VPS13D: variants seen among roughly 807,000 people sequenced by gnomAD.
VPS13D encodes the protein vacuolar protein sorting 13 homolog D.
A neutral mutation model predicts 461.9 loss-of-function variants in VPS13D; 187 were observed. The observed-to-expected ratio is 0.40, with a 90% CI of 0.36 to 0.46. The LOEUF is 0.46. Among genes scored for constraint, VPS13D ranks in the 20% least tolerant of loss-of-function variants. The pLI, the probability that VPS13D is intolerant of heterozygous loss-of-function variation, is 0.60. For synonymous variants in VPS13D, 1,951 were observed against 1,986.3 expected, an observed-to-expected ratio of 0.98 and a Z score of 0.47; for missense variants, 4,711 against 5,364.9, an observed-to-expected ratio of 0.88 and a Z score of 3.81.
At chr1:12,440,045 T>G (rs1405420337) in intron 65 of VPS13D, among the ~76,000 whole-genome samples, 1 of 152,268 alleles carries the variant, frequency 6.6e-6, no homozygotes, top group Non-Finnish European at 1.5e-5. Context: ...AAGGGAATAC[T>G]GCATTAGAAT....
intron 68 of VPS13D, 26 bp from the exon 69 acceptor site, chr1:12,506,827 T>C: frequency 6.2e-7 from 1 of 1,608,510 alleles, no homozygotes; most frequent in Non-Finnish European, 8.5e-7. Context: ...CAGGTGTCAC[T>C]CCTGTGTTCC....
At chr1:12,478,784 C>G (rs1293629135) in intron 67 of VPS13D, 1 of 455,960 alleles carries the variant, frequency 2.2e-6, no homozygotes, top group African/African-American at 2.0e-5. Context: ...CAGAGTAGCT[C>G]TCTGTTTGTG....
At chr1:12,411,496 G>A (rs1644727781) in intron 63 of VPS13D, among the ~76,000 whole-genome samples, 3 of 148,372 alleles carry the variant, frequency 2.0e-5, no homozygotes, top group Admixed American at 2.0e-4. Flanking sequence ...AAGGAAGGAG[G>A]GAGGGATAGA....
At chr1:12,331,438 T>A (rs759462532) in intron 37 of VPS13D, among the ~76,000 whole-genome samples, 1 of 152,116 alleles carries the variant, frequency 6.6e-6, no homozygotes, top group Non-Finnish European at 1.5e-5. Flanking sequence ...TCAAAATGTT[T>A]CACTTTAGAA....
Position 12,485,458 on chromosome 1 carries a change from C to T in VPS13D, c.12663-12042C>T, listed in dbSNP as rs186130753. Among the ~76,000 whole-genome samples, 22 of 152,346 alleles carry T rather than the reference C, an allele frequency of 1.4e-4. No homozygotes were observed. In the East Asian group the frequency reaches 4.2e-3, roughly 29 times the overall value. On this transcript the variant is annotated intron_variant, in intron 67 of 69. Transcript: ENST00000620676. ...TGCCGTGTCATATGGCACAAGAGCC[C>T]TTCTGGCCCGCATCACCCTGTGTAC...
chr1:12,354,523 G>GTA (rs1643869461), intron 47 of VPS13D, among the ~76,000 whole-genome samples: 1 of 151,908 alleles, frequency 6.6e-6, no homozygotes, highest in Non-Finnish European at 1.5e-5. Context: ...AACAAAGTAA[G>GTA]ACCCTGTCTC....
At chr1:12,261,376 G>T (rs966831096) in intron 12 of VPS13D, among the ~76,000 whole-genome samples, 2 of 152,186 alleles carry the variant, frequency 1.3e-5, no homozygotes, top group African/African-American at 2.4e-5. Flanking sequence ...GCGTGTAAAA[G>T]AACTAAATTT....
chr1:12,488,534 AAT>A (rs147459130), intron 67 of VPS13D, among the ~76,000 whole-genome samples: 25,356 of 152,054 alleles, frequency 0.17, 3,316 homozygotes, highest in African/African-American at 0.35. Context: ...GAAGGTAGAT[AAT>A]ATATAAACAT....
intron 2 of VPS13D, among the ~76,000 whole-genome samples, chr1:12,241,100 C>G (rs543968219): frequency 3.3e-5 from 5 of 152,066 alleles, no homozygotes; most frequent in Admixed American, 3.3e-4. Flanking sequence ...GCTACCATGC[C>G]TGGCTAATTT....
At chr1:12,258,390 T>C (rs1348447795) in intron 10 of VPS13D, among the ~76,000 whole-genome samples, 1 of 152,150 alleles carries the variant, frequency 6.6e-6, no homozygotes, top group Admixed American at 6.6e-5. Context: ...GACTGTTTCA[T>C]ACAGTCACCC....
Position 12,283,022 on chromosome 1 carries a change from A to G in VPS13D, c.4920A>G (p.Gln1640=). 6.2e-7 allele frequency: 1 copy of G among 1,613,844 alleles called. No homozygotes were observed. The highest frequency in any genetic ancestry group is 1.6e-4 in the Middle Eastern group (1 of 6,062). ...GTGGAGATCTGACTTTGGGGGCCCA[A>G]GGTCTTGTGAGCTTAAAGTTTCAGG... The part of the protein sequence containing the change: ...QLSGDLTLGA[Q]GLVSLKFQDF... Residue 1640 remains glutamine (Q), a synonymous_variant, in exon 21 of 70, where the codon CAA becomes CAG. Coordinates refer to ENST00000620676, the MANE Select transcript of VPS13D (RefSeq NM_015378.4).
At chr1:12,297,431 A>G (rs1642307888) in intron 24 of VPS13D, among the ~76,000 whole-genome samples, 1 of 152,194 alleles carries the variant, frequency 6.6e-6, no homozygotes, top group East Asian at 1.9e-4. Flanking sequence ...AGCAACTGGT[A>G]TAGTAAAGTA....
chr1:12,349,600 G>A (rs1174485402), intron 46 of VPS13D, among the ~76,000 whole-genome samples: 1 of 152,148 alleles, frequency 6.6e-6, no homozygotes, highest in Non-Finnish European at 1.5e-5. Flanking sequence ...CAACACACAT[G>A]CTATTTACAC....
At chr1:12,327,954 C>A in intron 36 of VPS13D, 100 bp downstream of exon 36, 1 of 1,163,432 alleles carries the variant, frequency 8.6e-7, no homozygotes. Flanking sequence ...TCTATTTAGT[C>A]ATTTGGGTGA....
At chr1:12,452,824 GT>G (rs1645279505) in intron 65 of VPS13D, among the ~76,000 whole-genome samples, 1 of 152,192 alleles carries the variant, frequency 6.6e-6, no homozygotes, top group Non-Finnish European at 1.5e-5. Flanking sequence ...AGTTTTCTGG[GT>G]TCTCAAAGCT....
rs1643281214 is a variant in VPS13D, at chr1:12,329,717, T to C, written c.8198-112T>C. 17 of 704,450 alleles carry C rather than the reference T, an allele frequency of 2.4e-5. No individual in the cohort carries two copies. In the South Asian group the frequency reaches 3.0e-4, roughly 12 times the overall value. The allele number at this position is 704,450 out of a possible 1,614,324, so 43.6% of individuals were successfully genotyped here. ...CATGATGAACAAAGTATCAGAATGTTGTGTGCTCTCCTTTGCGAGTATTAG... is the reference window on the plus strand; with the variant it reads ...CATGATGAACAAAGTATCAGAATGTCGTGTGCTCTCCTTTGCGAGTATTAG... On this transcript the variant is annotated intron_variant, in intron 36 of 69. Coordinates refer to ENST00000620676, the MANE Select transcript of VPS13D (RefSeq NM_015378.4).
chr1:12,397,772 G>T (rs911458487), intron 60 of VPS13D, among the ~76,000 whole-genome samples: 4 of 152,194 alleles, frequency 2.6e-5, no homozygotes, highest in Non-Finnish European at 5.9e-5. Flanking sequence ...GGCTCAGGAA[G>T]ATCTTCCTGA....
intron 60 of VPS13D, among the ~76,000 whole-genome samples, chr1:12,396,029 A>ATATATATATATATATAT (rs1553187933): frequency 8.3e-6 from 1 of 119,872 alleles, no homozygotes; most frequent in Non-Finnish European, 1.6e-5. Context: ...ATATATATAT[A>ATATATATATATATATAT]GTTCTTTAAG....
At chr1:12,377,820 C>CAAAAAAA (rs1193875764) in intron 55 of VPS13D, among the ~76,000 whole-genome samples, 2 of 77,048 alleles carry the variant, frequency 2.6e-5, no homozygotes, top group African/African-American at 5.0e-5. Flanking sequence ...AACTCCATCC[C>CAAAAAAA]AAAAAAAAAA....
Sources: allele counts gnomAD v4.1 joint callset (sites outside exome capture counted in the v4.1 genomes callset), GRCh38; gene constraint gnomAD v4.1.1; transcripts MANE v1.5; gene names NCBI Gene and HGNC (gene_info 2026-07-23, HGNC 2026-07-21).